FAM110B: variants seen among roughly 807,000 people sequenced by gnomAD.
FAM110B encodes family with sequence similarity 110 member B, also known as protein FAM110B.
A neutral mutation model predicts 20.4 loss-of-function variants in FAM110B; 6 were observed. The ratio of observed to expected loss-of-function variants is 0.29; its 90% CI spans 0.16 to 0.58. The LOEUF (loss-of-function observed/expected upper bound fraction) is 0.58. FAM110B is among the 20% of genes least tolerant of loss of function. The pLI, the probability that FAM110B is intolerant of heterozygous loss-of-function variation, is 0.90. For synonymous variants in FAM110B, 226 were observed against 214.1 expected (o/e 1.06, Z -0.49); for missense variants, 434 against 498.2 (o/e 0.87, Z 1.23).
chr8:58,125,909 TC>T (rs1208985239), intron 3 of FAM110B, among the ~76,000 whole-genome samples: 3 of 130,956 alleles, frequency 2.3e-5, no homozygotes, highest in African/African-American at 3.8e-5. Context: ...CCCGGTACCC[TC>T]CCATGGCTAT....
intron 3 of FAM110B, among the ~76,000 whole-genome samples, chr8:58,115,970 C>T (rs1057036438): frequency 2.0e-5 from 3 of 152,158 alleles, no homozygotes; most frequent in South Asian, 2.1e-4. Context: ...CTGGCCAGTT[C>T]GTTCACTTGT....
chr8:58,146,259 G>T lies in FAM110B; in HGVS notation c.29G>T (p.Ser10Ile), dbSNP rs148339587. MPTETLQTGSMVKPVSPAGT... is the reference protein window; with the variant it reads MPTETLQTGIMVKPVSPAGT... ...CCCACGGAGACCCTACAGACAGGTA[G>T]CATGGTGAAGCCGGTCAGCCCCGCG... is the stretch of plus-strand genomic sequence containing the variant. Residue 10 changes from serine (S) to isoleucine (I), a missense_variant, in exon 4 of 4, where the codon AGC becomes ATC. Transcript: ENST00000519262. 9 of 1,610,284 alleles carry T rather than the reference G, an allele frequency of 5.6e-6. No homozygotes were observed. Among genetic ancestry groups the T allele is most frequent in the South Asian group, 1.1e-5 (1 of 90,908 alleles).
chr8:58,132,769 G>A lies in FAM110B; in HGVS notation c.-324-13138G>A, dbSNP rs556736905. ...AATCAAAAGCTTAAGAGATCATGAG[G>A]CACCAAATATCAGCAACTACCTTAT... On this transcript the variant is annotated intron_variant, in intron 3 of 3. Transcript: ENST00000519262. 3.3e-5 allele frequency among the ~76,000 whole-genome samples: 5 copies of A among 152,272 alleles called. No individual in the cohort carries two copies. In the East Asian group the frequency reaches 9.6e-4, roughly 29 times the overall value.
chr8:58,004,375 A>G (rs1441542848), intron 1 of FAM110B, among the ~76,000 whole-genome samples: 1 of 152,250 alleles, frequency 6.6e-6, no homozygotes, highest in Non-Finnish European at 1.5e-5. Flanking sequence ...TATTCTAGAT[A>G]ACTTGTGCAG....
chr8:58,073,139 C>A (rs1180044573), intron 2 of FAM110B, among the ~76,000 whole-genome samples: 1 of 152,196 alleles, frequency 6.6e-6, no homozygotes, highest in Non-Finnish European at 1.5e-5. Context: ...ATTCCATGAT[C>A]ATGGACACTT....
Position 58,147,910 on chromosome 8 carries a change from C to T in FAM110B, c.*567C>T, listed in dbSNP as rs562306555. The T allele has an allele frequency of 5.9e-6, 1 of 169,742 alleles. No individual in the cohort carries two copies. Among genetic ancestry groups the T allele is most frequent in the African/African-American group, 2.4e-5 (1 of 41,538 alleles). 10.5% of individuals were successfully genotyped at this position (169,742 alleles called of 1,614,324 possible). A position where few individuals can be genotyped will look rare whatever the true frequency, so the allele number is the denominator to read the frequency against. ...TTCTCTTGCCACTTAGTGAAGCAGT[C>T]ATTGGGGTAACAATGCTACGTTTTG... On this transcript the variant is annotated 3_prime_UTR_variant, in exon 4 of 4. Coordinates refer to ENST00000519262, the MANE Select transcript of FAM110B (RefSeq NM_001377989.1).
chr8:58,011,062 CATT>C, intron 1 of FAM110B, among the ~76,000 whole-genome samples: 1 of 152,274 alleles, frequency 6.6e-6, no homozygotes, highest in Non-Finnish European at 1.5e-5. Context: ...AAGAAGTCTA[CATT>C]TTGGTCAGGT....
At chr8:58,134,523 G>A (rs1803564936) in intron 3 of FAM110B, among the ~76,000 whole-genome samples, 2 of 152,166 alleles carry the variant, frequency 1.3e-5, no homozygotes. Context: ...AATATGAAAG[G>A]GTGTGCTAGG....
intron 2 of FAM110B, among the ~76,000 whole-genome samples, chr8:58,049,935 A>C (rs1243427086): frequency 1.3e-5 from 2 of 152,222 alleles, no homozygotes; most frequent in Admixed American, 6.5e-5. Context: ...ACAGTAGATA[A>C]TTAGTATTTT....
intron 2 of FAM110B, among the ~76,000 whole-genome samples, chr8:58,066,522 G>C (rs945563584): frequency 6.6e-6 from 1 of 152,194 alleles, no homozygotes; most frequent in African/African-American, 2.4e-5. Context: ...AGCTGAGTAA[G>C]TGTCTGGTAT....
At chr8:58,079,686 T>A (rs1048664977) in intron 3 of FAM110B, among the ~76,000 whole-genome samples, 11 of 151,954 alleles carry the variant, frequency 7.2e-5, no homozygotes, top group Admixed American at 7.2e-4. Flanking sequence ...GAGGCTGAGG[T>A]GGGAGGATTG....
intron 2 of FAM110B, among the ~76,000 whole-genome samples, chr8:58,038,434 G>C (rs1478701502): frequency 1.3e-5 from 2 of 152,176 alleles, no homozygotes. Flanking sequence ...TAAGAATACA[G>C]CAAAGGTATT....
intron 1 of FAM110B, among the ~76,000 whole-genome samples, chr8:58,016,022 T>G (rs1804630811): frequency 6.6e-6 from 1 of 152,204 alleles, no homozygotes; most frequent in Non-Finnish European, 1.5e-5. Flanking sequence ...AATTATATAT[T>G]TGACCCATTT....
rs142943183 is a variant in FAM110B, at chr8:58,078,285, A to G, written c.-325+2662A>G. On this transcript the variant is annotated intron_variant, in intron 3 of 3. Coordinates refer to ENST00000519262, the MANE Select transcript of FAM110B (RefSeq NM_001377989.1). ...AGTCATGAAATAAAATGATATTGTAATGTTCTTTTGGTCAAACCTTTTGGA... is the reference window on the plus strand; with the variant it reads ...AGTCATGAAATAAAATGATATTGTAGTGTTCTTTTGGTCAAACCTTTTGGA... Among the ~76,000 whole-genome samples the G allele has an allele frequency of 1.8e-4, 28 of 152,294 alleles. No individual in the cohort carries two copies. The East Asian group carries it at 5.4e-3, about 29-fold the overall frequency.
intron 3 of FAM110B, among the ~76,000 whole-genome samples, chr8:58,135,810 A>G (rs1041924326): frequency 1.1e-4 from 16 of 152,136 alleles, no homozygotes; most frequent in Non-Finnish European, 1.9e-4. Context: ...CAAGGGGATC[A>G]GACCGCCTTT....
chr8:58,030,823 G>A (rs1804948879), intron 1 of FAM110B, among the ~76,000 whole-genome samples: 1 of 152,166 alleles, frequency 6.6e-6, no homozygotes, highest in Non-Finnish European at 1.5e-5. Context: ...ATTTTCTTTA[G>A]CATTGCCAGC....
At chr8:58,033,148 G>A (rs867322808) in intron 2 of FAM110B, among the ~76,000 whole-genome samples, 38 of 152,172 alleles carry the variant, frequency 2.5e-4, no homozygotes, top group African/African-American at 8.2e-4. Flanking sequence ...TTATATGTGA[G>A]AACATGCTGT....
chr8:58,007,679 A>G (rs1389468093), intron 1 of FAM110B, among the ~76,000 whole-genome samples: 1 of 152,172 alleles, frequency 6.6e-6, no homozygotes, highest in Non-Finnish European at 1.5e-5. Context: ...GAAGACAGTG[A>G]GAAGGTGCCA....
chr8:58,058,610 A>G (rs1261805555), intron 2 of FAM110B, among the ~76,000 whole-genome samples: 1 of 152,196 alleles, frequency 6.6e-6, no homozygotes, highest in East Asian at 1.9e-4. Context: ...TATGACATTG[A>G]AATACATAAA....
Sources: allele counts gnomAD v4.1 joint callset (sites outside exome capture counted in the v4.1 genomes callset), GRCh38; gene constraint gnomAD v4.1.1; transcripts MANE v1.5; gene names NCBI Gene and HGNC (gene_info 2026-07-23, HGNC 2026-07-21).